ATRNL1: variants seen among roughly 807,000 people sequenced by gnomAD.
ATRNL1 encodes attractin-like protein 1.
ATRNL1 carries 95 observed loss-of-function variants against 182.7 expected under a neutral mutation model. The observed-to-expected ratio is 0.52, with a 90% CI of 0.44 to 0.62. The LOEUF is 0.62. ATRNL1 is among the 20% of genes least tolerant of loss of function. ATRNL1 has a pLI of 0.00. For synonymous variants in ATRNL1, 576 were observed against 568.3 expected (o/e 1.01, Z -0.19); for missense variants, 1,471 against 1,679.5 (o/e 0.88, Z 2.17).
intron 13 of ATRNL1, among the ~76,000 whole-genome samples, chr10:115,271,457 C>T (rs1396360310): frequency 2.6e-5 from 4 of 151,904 alleles, no homozygotes; most frequent in Non-Finnish European, 5.9e-5. Context: ...CGACAGGCCC[C>T]GGCAATTCCT....
intron 26 of ATRNL1, among the ~76,000 whole-genome samples, chr10:115,653,205 G>A (rs1263888483): frequency 2.0e-5 from 3 of 152,074 alleles, no homozygotes; most frequent in Admixed American, 1.3e-4. Context: ...TGTTATATTG[G>A]CTGTTTACAA....
intron 5 of ATRNL1, among the ~76,000 whole-genome samples, chr10:115,152,771 G>C (rs1159968385): frequency 6.6e-6 from 1 of 152,170 alleles, no homozygotes; most frequent in Non-Finnish European, 1.5e-5. Flanking sequence ...AGTGGTGAGA[G>C]AGGGCATCCC....
At chr10:115,232,416 G>A (rs1564839113) in intron 9 of ATRNL1, among the ~76,000 whole-genome samples, 1 of 151,816 alleles carries the variant, frequency 6.6e-6, no homozygotes, top group African/African-American at 2.4e-5. Context: ...CACCCATATT[G>A]TCATATGTAG....
At chr10:115,864,852 G>A (rs868929932) in intron 28 of ATRNL1, among the ~76,000 whole-genome samples, 3 of 152,030 alleles carry the variant, frequency 2.0e-5, no homozygotes, top group South Asian at 4.2e-4. Flanking sequence ...CGTGGTGGCA[G>A]GTGCCTGTAG....
At chr10:115,171,618 C>T (rs1303584411) in intron 8 of ATRNL1, among the ~76,000 whole-genome samples, 1 of 151,954 alleles carries the variant, frequency 6.6e-6, no homozygotes, top group African/African-American at 2.4e-5. Flanking sequence ...CTGAAACTAT[C>T]CCAGTCTCTT....
chr10:115,886,955 CTTTAG>C (rs1412035786), intron 28 of ATRNL1, among the ~76,000 whole-genome samples: 4 of 152,150 alleles, frequency 2.6e-5, no homozygotes, highest in African/African-American at 4.8e-5. Context: ...ACTTTTCTCC[CTTTAG>C]TTTACCCTTC....
intron 8 of ATRNL1, among the ~76,000 whole-genome samples, chr10:115,201,925 T>A (rs1592250795): frequency 6.6e-6 from 1 of 152,224 alleles, no homozygotes; most frequent in Admixed American, 6.5e-5. Context: ...GGTTTGTAGT[T>A]CTCCTTGAAG....
At chr10:115,186,106 G>C (rs1277540654) in intron 8 of ATRNL1, among the ~76,000 whole-genome samples, 1 of 151,664 alleles carries the variant, frequency 6.6e-6, no homozygotes, top group Admixed American at 6.6e-5. Flanking sequence ...TCTGATAAGA[G>C]ATTAATATCC....
intron 25 of ATRNL1, among the ~76,000 whole-genome samples, chr10:115,543,639 C>A (rs1852483739): frequency 6.6e-6 from 1 of 151,976 alleles, no homozygotes; most frequent in South Asian, 2.1e-4. Flanking sequence ...TAGATTACCA[C>A]CAGAGGGTAT....
chr10:115,684,448 GT>G (rs371832562), intron 26 of ATRNL1, among the ~76,000 whole-genome samples: 3,115 of 143,174 alleles, frequency 0.022, 52 homozygotes, highest in African/African-American at 0.041. Context: ...AAAAGTTTCT[GT>G]TTTTTTTTTT....
chr10:115,305,360 G>T (rs1554925863), intron 17 of ATRNL1, among the ~76,000 whole-genome samples: 4 of 152,140 alleles, frequency 2.6e-5, no homozygotes, highest in Non-Finnish European at 5.9e-5. Context: ...CTCTTGGCAT[G>T]AAGTGGAGAG....
chr10:115,536,090 C>G (rs968927898), intron 25 of ATRNL1, among the ~76,000 whole-genome samples: 2 of 151,990 alleles, frequency 1.3e-5, no homozygotes, highest in African/African-American at 4.8e-5. Context: ...GCAGTCTGCC[C>G]GTTCTCAGAT....
chr10:115,269,928 C>T (rs1403265426), intron 13 of ATRNL1, among the ~76,000 whole-genome samples: 3 of 151,924 alleles, frequency 2.0e-5, no homozygotes, highest in African/African-American at 4.8e-5. Flanking sequence ...CAGTTACTGA[C>T]TCATTAGATT....
At chr10:115,543,822 A>G (rs1170366202) in intron 25 of ATRNL1, among the ~76,000 whole-genome samples, 3 of 152,138 alleles carry the variant, frequency 2.0e-5, no homozygotes, top group Admixed American at 6.5e-5. Context: ...TTATTGAAAT[A>G]TCTCTCCCTA....
intron 1 of ATRNL1, among the ~76,000 whole-genome samples, chr10:115,099,100 A>C (rs1193722481): frequency 1.3e-5 from 2 of 152,196 alleles, no homozygotes; most frequent in African/African-American, 4.8e-5. Flanking sequence ...CTAGTTGCCA[A>C]TTCCTGTCCC....
At chr10:115,324,801 C>T (rs1392964369) in intron 18 of ATRNL1, among the ~76,000 whole-genome samples, 1 of 152,068 alleles carries the variant, frequency 6.6e-6, no homozygotes, top group South Asian at 2.1e-4. Context: ...AGAATTATAT[C>T]CTCTTGGTCT....
intron 1 of ATRNL1, among the ~76,000 whole-genome samples, chr10:115,117,567 T>C (rs745798352): frequency 3.3e-5 from 5 of 152,144 alleles, no homozygotes; most frequent in Admixed American, 3.3e-4. Flanking sequence ...AGTAATTCAT[T>C]GTGTTTATGT....
At chr10:115,546,768 C>G (rs1368090578) in intron 25 of ATRNL1, among the ~76,000 whole-genome samples, 1 of 151,848 alleles carries the variant, frequency 6.6e-6, no homozygotes, top group Admixed American at 6.6e-5. Context: ...GTGATGAAAC[C>G]CAAAAATGTC....
intron 26 of ATRNL1, among the ~76,000 whole-genome samples, chr10:115,627,846 T>G (rs782690757): frequency 6.6e-6 from 1 of 152,130 alleles, no homozygotes; most frequent in Non-Finnish European, 1.5e-5. Flanking sequence ...AATATGGTTG[T>G]TCTATTTTTA....
Sources: gnomAD v4.1 joint callset for allele counts (sites outside exome capture counted in the v4.1 genomes callset) on GRCh38, gnomAD v4.1.1 for gene constraint, MANE v1.5 for transcripts, NCBI Gene and HGNC (gene_info 2026-07-23, HGNC 2026-07-21) for gene names.